Variants in ATP5F1C observed in about 807,000 individuals in gnomAD.
ATP5F1C encodes the protein ATP synthase F1 subunit gamma, also known as ATP synthase F(1) complex subunit gamma, mitochondrial.
Under a neutral mutation model 37.4 loss-of-function variants are expected in ATP5F1C, and 22 were observed. The ratio of observed to expected loss-of-function variants is 0.59; its 90% CI spans 0.42 to 0.84. The LOEUF (loss-of-function observed/expected upper bound fraction) is 0.84. Among genes scored for constraint, ATP5F1C ranks in the 40% least tolerant of loss-of-function variants. ATP5F1C has a pLI of 0.00. For missense variants in ATP5F1C, 286 were observed against 362.4 expected, an observed-to-expected ratio of 0.79 and a Z score of 1.71; for synonymous variants, 121 against 128.0, an observed-to-expected ratio of 0.95 and a Z score of 0.37.
intron 1 of ATP5F1C, among the ~76,000 whole-genome samples, chr10:7,789,576 G>A (rs768278980): frequency 2.6e-5 from 4 of 152,136 alleles, no homozygotes; most frequent in South Asian, 2.1e-4. Flanking sequence ...CACTCCACCC[G>A]GTGGTACTTG....
Position 7,802,430 on chromosome 10 carries a change from G to A in ATP5F1C, c.793+5G>A. On this transcript the variant is annotated splice_donor_5th_base_variant and intron_variant, in intron 7 of 9. Transcript: ENST00000356708. ...ACAATGCCAGCAAGAATGCTTGTAA[G>A]TACACAGTATGGACAGTGCCAGCAG... 1 of 1,611,102 alleles carries A rather than the reference G, an allele frequency of 6.2e-7. No homozygotes were observed. Among genetic ancestry groups the A allele is most frequent in the Non-Finnish European group, 8.5e-7 (1 of 1,178,654 alleles).
intron 1 of ATP5F1C, among the ~76,000 whole-genome samples, chr10:7,789,370 C>T (rs1455583943): frequency 6.6e-6 from 1 of 152,034 alleles, no homozygotes; most frequent in Non-Finnish European, 1.5e-5. Flanking sequence ...TAGTAATATA[C>T]GAGATTTTCA....
At chr10:7,792,171 C>CT (rs1836174203) in intron 1 of ATP5F1C, among the ~76,000 whole-genome samples, 1 of 152,222 alleles carries the variant, frequency 6.6e-6, no homozygotes, top group East Asian at 1.9e-4. Flanking sequence ...TGTAGTAGAA[C>CT]AGTCATGGCA....
At position 7,788,255 on chromosome 10, in the gene ATP5F1C, G is replaced by A. The variant is rs1836084417; in HGVS notation, c.48G>A (p.Gln16=). 1 of 1,613,486 alleles carries A rather than the reference G, an allele frequency of 6.2e-7. No homozygotes were observed. The highest frequency in any genetic ancestry group is 2.2e-5 in the East Asian group (1 of 44,876). Residue 16 remains glutamine (Q), a synonymous_variant, in exon 1 of 10, where the codon CAG becomes CAA. Coordinates refer to ENST00000356708, the MANE Select transcript of ATP5F1C (RefSeq NM_001001973.3). ...GVAGLSAWTL[Q]PQWIQVRNMA... ...CTGGGCTGTCGGCCTGGACCTTGCAGCCGCAATGGTATGGCAGCTTGCGGG... is the reference window on the plus strand; with the variant it reads ...CTGGGCTGTCGGCCTGGACCTTGCAACCGCAATGGTATGGCAGCTTGCGGG...
Position 7,797,093 on chromosome 10 carries a change from G to A in ATP5F1C, c.138G>A (p.Lys46=), listed in dbSNP as rs1836253441. The change falls in exon 3 of 10, where the codon AAG becomes AAA. Residue 46 remains lysine, a synonymous_variant. Transcript: ENST00000356708. ...TCAAAAACATCCAGAAAATTACCAAGTCTATGAAAATGGTAGCGGCAGCAA... is the reference window on the plus strand; with the variant it reads ...TCAAAAACATCCAGAAAATTACCAAATCTATGAAAATGGTAGCGGCAGCAA... ...KSIKNIQKIT[K]SMKMVAAAKY... 6.2e-7 allele frequency: 1 copy of A among 1,614,086 alleles called. No individual in the cohort carries two copies. The highest frequency in any genetic ancestry group is 8.5e-7 in the Non-Finnish European group (1 of 1,180,008).
intron 8 of ATP5F1C, among the ~76,000 whole-genome samples, chr10:7,805,774 T>C: frequency 7.4e-6 from 1 of 135,316 alleles, no homozygotes; most frequent in East Asian, 2.1e-4. Flanking sequence ...AAAAAAGAAA[T>C]GCAGGAAACC....
intron 4 of ATP5F1C, 129 bp from the exon 5 acceptor site, chr10:7,799,643 G>A: frequency 9.7e-7 from 1 of 1,034,536 alleles, no homozygotes; most frequent in South Asian, 1.7e-5. Flanking sequence ...GAACAACTCA[G>A]GAAATCACCA....
intron 1 of ATP5F1C, 139 bp downstream of exon 1, chr10:7,788,402 G>T: frequency 2.4e-6 from 3 of 1,245,678 alleles, no homozygotes; most frequent in Non-Finnish European, 3.4e-6. Context: ...CGGAGGCGCC[G>T]GGTAGCGGGG....
At chr10:7,806,088 T>TTAGAAAAA (rs1448366208) in intron 8 of ATP5F1C, among the ~76,000 whole-genome samples, 1 of 152,128 alleles carries the variant, frequency 6.6e-6, no homozygotes. Context: ...TCCACATAAT[T>TTAGAAAAA]GGAAATTGAG....
chr10:7,807,257 G>C (rs558713975), intron 9 of ATP5F1C, among the ~76,000 whole-genome samples: 1 of 152,232 alleles, frequency 6.6e-6, no homozygotes, highest in East Asian at 1.9e-4. Context: ...ACATTATTTT[G>C]AGATATTATA....
At chr10:7,800,236 C>T in intron 6 of ATP5F1C, 145 bp downstream of exon 6, 7 of 875,302 alleles carry the variant, frequency 8.0e-6, no homozygotes, top group Non-Finnish European at 1.2e-5. Flanking sequence ...CTTGCTGCCT[C>T]CCAGGCTGGA....
chr10:7,799,738 A>C (rs1264459560), intron 4 of ATP5F1C, 34 bp from the exon 5 acceptor site: 2 of 1,603,578 alleles, frequency 1.2e-6, no homozygotes, highest in Non-Finnish European at 1.7e-6. Context: ...AAATCTTATT[A>C]AACTAGCTAT....
At chr10:7,801,492 T>C (rs1209649798) in intron 6 of ATP5F1C, 1 of 152,246 alleles carries the variant, frequency 6.6e-6, no homozygotes, top group African/African-American at 2.4e-5. Context: ...TTTGAAAGGT[T>C]TTCCCTCTCT....
At chr10:7,796,058 T>C in intron 1 of ATP5F1C, 63 bp from the exon 2 acceptor site, 1 of 1,313,764 alleles carries the variant, frequency 7.6e-7, no homozygotes. Flanking sequence ...AACTGAAAGT[T>C]TTTCTTGTAT....
At chr10:7,799,493 T>C (rs1836309579) in intron 4 of ATP5F1C, 1 of 557,104 alleles carries the variant, frequency 1.8e-6, no homozygotes, top group Admixed American at 3.1e-5. Context: ...TCTGAGGAGC[T>C]GTTACAGCCT....
At chr10:7,793,268 C>G (rs746544566) in intron 1 of ATP5F1C, among the ~76,000 whole-genome samples, 1 of 152,132 alleles carries the variant, frequency 6.6e-6, no homozygotes, top group Admixed American at 6.5e-5. Flanking sequence ...CCCACCAGCA[C>G]GCCTGGCTAA....
chr10:7,790,187 C>T (rs1836140932), intron 1 of ATP5F1C, among the ~76,000 whole-genome samples: 1 of 152,168 alleles, frequency 6.6e-6, no homozygotes, highest in African/African-American at 2.4e-5. Context: ...AGACCTTTGT[C>T]TTAACGAACC....
chr10:7,792,973 C>A (rs188623055), intron 1 of ATP5F1C, among the ~76,000 whole-genome samples: 28 of 152,316 alleles, frequency 1.8e-4, no homozygotes, highest in African/African-American at 6.7e-4. Flanking sequence ...TGCTCCACAT[C>A]CTCATCATCA....
In ATP5F1C at chr10:7,800,043, A is replaced by C; in HGVS notation, c.589A>C (p.Lys197Gln). 6.2e-7 allele frequency: 1 copy of C among 1,614,060 alleles called. No individual in the cohort carries two copies. The highest frequency in any genetic ancestry group is 8.5e-7 in the Non-Finnish European group (1 of 1,180,004). Residue 197 changes from lysine (K) to glutamine (Q), a missense_variant, in exon 6 of 10, where the codon AAG (lysine) becomes CAG (glutamine). Physicochemically the swap from Lys to Gln is moderately conservative, Grantham distance 53. Coordinates refer to ENST00000356708, the MANE Select transcript of ATP5F1C (RefSeq NM_001001973.3). The part of the protein sequence containing the change: ...FNKFRSVISY[K>Q]TEEKPIFSLN... ...CAATTCTAGGTCTGTCATCTCCTAT[A>C]AGACAGAAGAAAAGCCCATCTTTTC...
Sources: gnomAD v4.1 joint callset for allele counts (sites outside exome capture counted in the v4.1 genomes callset) on GRCh38, gnomAD v4.1.1 for gene constraint, MANE v1.5 for transcripts, NCBI Gene and HGNC (gene_info 2026-07-23, HGNC 2026-07-21) for gene names.